Variants in IFNGR2 observed in about 807,000 individuals in gnomAD.
The protein encoded by IFNGR2 is interferon gamma receptor 2.
In IFNGR2, 15 loss-of-function variants were observed where a neutral mutation model predicts 41.1. The ratio of observed to expected loss-of-function variants is 0.37; its 90% CI spans 0.24 to 0.56. IFNGR2 has a LOEUF of 0.56. Ranked by LOEUF, IFNGR2 falls within the 20% of genes least tolerant of loss-of-function variation. The pLI, the probability that IFNGR2 is intolerant of heterozygous loss-of-function variation, is 0.81. For missense variants in IFNGR2, 362 were observed against 415.7 expected (o/e 0.87, Z 1.12); for synonymous variants, 161 against 171.6 (o/e 0.94, Z 0.48).
In IFNGR2 at chr21:33,418,601, T is replaced by C. The variant is rs17879138; in HGVS notation, c.207-2879T>C. 9.5e-3 allele frequency among the ~76,000 whole-genome samples: 1,440 copies of C among 152,304 alleles called. 10 individuals carry two copies. The highest frequency in any genetic ancestry group is 0.014 in the Non-Finnish European group (971 of 68,028). ...GTGTTTCTCTACAATAAAGCATTGCTATGATTAAAAATGAAGATGCCTTTG... is the reference window on the plus strand; with the variant it reads ...GTGTTTCTCTACAATAAAGCATTGCCATGATTAAAAATGAAGATGCCTTTG... On this transcript the variant is annotated intron_variant, in intron 2 of 6. Transcript: ENST00000290219.
chr21:33,433,500 G>A (rs2083910969), intron 6 of IFNGR2, among the ~76,000 whole-genome samples: 1 of 150,614 alleles, frequency 6.6e-6, no homozygotes. Flanking sequence ...ATGCTGAGTA[G>A]AGTAGGGCAG....
chr21:33,430,939 C>T (rs2083880664), intron 4 of IFNGR2, among the ~76,000 whole-genome samples: 2 of 152,196 alleles, frequency 1.3e-5, no homozygotes, highest in Admixed American at 6.5e-5. Context: ...AAACCCTATA[C>T]TGCCATAATA....
chr21:33,426,683 G>C (rs1054781077), intron 3 of IFNGR2, among the ~76,000 whole-genome samples: 1 of 151,780 alleles, frequency 6.6e-6, no homozygotes, highest in African/African-American at 2.4e-5. Context: ...TCGCACAACT[G>C]CACTCTAGCC....
In IFNGR2 at chr21:33,426,894, G is replaced by T. The variant is rs1742796339; in HGVS notation, c.423G>T (p.Gly141=). The T allele has an allele frequency of 1.2e-6, 2 of 1,613,368 alleles. No individual in the cohort carries two copies. Among genetic ancestry groups the T allele is most frequent in the Non-Finnish European group, 1.7e-6 (2 of 1,179,794 alleles). The change falls in exon 4 of 7, where the codon GGG becomes GGT. Residue 141 remains glycine, a synonymous_variant. Transcript: ENST00000290219. The part of the protein sequence containing the change: ...WFQHYRNVTV[G]PPENIEVTPG... ...GTAATTCTTTTTCAGTGACTGTCGG[G>T]CCTCCAGAAAACATTGAGGTGACCC...
At chr21:33,422,062 A>T (rs1174534537) in intron 3 of IFNGR2, among the ~76,000 whole-genome samples, 1 of 152,240 alleles carries the variant, frequency 6.6e-6, no homozygotes, top group African/African-American at 2.4e-5. Flanking sequence ...CTTTACTGAA[A>T]AAGTTTGCCA....
intron 2 of IFNGR2, among the ~76,000 whole-genome samples, chr21:33,418,115 T>C (rs1354593712): frequency 2.6e-5 from 4 of 152,252 alleles, no homozygotes; most frequent in Admixed American, 1.3e-4. Context: ...TTTCGGCTCA[T>C]TGCAACCTGC....
intron 6 of IFNGR2, among the ~76,000 whole-genome samples, chr21:33,435,002 T>TGTTTCACTTATAATTCTGGG (rs2083930750): frequency 6.6e-6 from 1 of 152,218 alleles, no homozygotes; most frequent in Non-Finnish European, 1.5e-5. Context: ...CAGTGAATCA[T>TGTTTCACTTATAATTCTGGG]GTTTCACTTA....
Position 33,437,142 on chromosome 21 carries a change from TAAAGA to T in IFNGR2, c.*182_*186del, listed in dbSNP as rs2083964111. The stretch of plus-strand genomic sequence containing the variant: ...GGTGACAAGCTTTTTTTTTTTTTCT[TAAAGA>T]ATTTTCAAAATCAAATTCCAGAATG... On this transcript the variant is annotated 3_prime_UTR_variant, in exon 7 of 7. Transcript: ENST00000290219. 2 of 587,360 alleles carry T rather than the reference TAAAGA, an allele frequency of 3.4e-6. No homozygotes were observed. The highest frequency in any genetic ancestry group is 3.7e-5 in the African/African-American group (2 of 53,352). The allele number at this position is 587,360 out of a possible 1,614,324, so 36.4% of individuals were successfully genotyped here. A position where few individuals can be genotyped will look rare whatever the true frequency, so the allele number is the denominator to read the frequency against.
chr21:33,415,072 C>T (rs534742910), intron 2 of IFNGR2, 52 bp downstream of exon 2: 21 of 1,607,816 alleles, frequency 1.3e-5, no homozygotes, highest in East Asian at 2.2e-5. Context: ...GGGCATCGTG[C>T]GGAACCCTGG....
chr21:33,404,805 A>G (rs1171582552), intron 1 of IFNGR2, among the ~76,000 whole-genome samples: 1 of 152,162 alleles, frequency 6.6e-6, no homozygotes, highest in African/African-American at 2.4e-5. Flanking sequence ...CTCTGACACC[A>G]GCTGACCACG....
intron 2 of IFNGR2, among the ~76,000 whole-genome samples, chr21:33,417,978 T>G (rs1244645462): frequency 6.6e-6 from 1 of 152,166 alleles, no homozygotes; most frequent in Non-Finnish European, 1.5e-5. Context: ...AAAAAGCATT[T>G]TATAGATATT....
At chr21:33,410,506 T>C (rs1321714215) in intron 1 of IFNGR2, among the ~76,000 whole-genome samples, 1 of 150,440 alleles carries the variant, frequency 6.6e-6, no homozygotes, top group African/African-American at 2.5e-5. Flanking sequence ...CTCGCTCTTG[T>C]CGCCCAAGCT....
chr21:33,422,130 G>A (rs2083798595), intron 3 of IFNGR2, among the ~76,000 whole-genome samples: 1 of 152,206 alleles, frequency 6.6e-6, no homozygotes, highest in South Asian at 2.1e-4. Context: ...TTATTCTGGT[G>A]CAACTTCTTT....
intron 6 of IFNGR2, among the ~76,000 whole-genome samples, chr21:33,434,657 G>A (rs530885673): frequency 9.8e-5 from 15 of 152,312 alleles, no homozygotes; most frequent in Admixed American, 2.6e-4. Context: ...TAAGGTCCAA[G>A]TCTGCAGAAA....
At chr21:33,436,678 C>A (rs2083955242) in intron 6 of IFNGR2, 150 bp from the exon 7 acceptor site, 7 of 603,612 alleles carry the variant, frequency 1.2e-5, no homozygotes, top group Non-Finnish European at 1.7e-5. Context: ...GCTGAGATCA[C>A]ACCACTATAC....
At chr21:33,413,895 C>T (rs1432061138) in intron 1 of IFNGR2, among the ~76,000 whole-genome samples, 2 of 124,438 alleles carry the variant, frequency 1.6e-5, no homozygotes, top group Non-Finnish European at 3.1e-5. Flanking sequence ...TGCAATGGTG[C>T]GATCTCAGCT....
chr21:33,420,786 C>T (rs528184647), intron 2 of IFNGR2, among the ~76,000 whole-genome samples: 2 of 152,314 alleles, frequency 1.3e-5, no homozygotes, highest in South Asian at 4.1e-4. Context: ...AGGGATCACA[C>T]CTGTAATCCC....
chr21:33,433,497 G>A lies in IFNGR2; in HGVS notation c.879+626G>A, dbSNP rs149284369. Among the ~76,000 whole-genome samples, 36 of 150,728 alleles carry A rather than the reference G, an allele frequency of 2.4e-4. No individual in the cohort carries two copies. In the East Asian group the frequency reaches 6.6e-3, roughly 27 times the overall value. ...ATGGACCTTGAGGACATTATGCTGA[G>A]TAGAGTAGGGCAGTCACAAAAGGAT... is the stretch of plus-strand genomic sequence containing the variant. On this transcript the variant is annotated intron_variant, in intron 6 of 6. Transcript: ENST00000290219.
intron 1 of IFNGR2, among the ~76,000 whole-genome samples, chr21:33,407,867 C>CCAGCCT (rs2083689470): frequency 6.7e-6 from 1 of 148,876 alleles, no homozygotes; most frequent in Non-Finnish European, 1.5e-5. Context: ...CCAACCCCCG[C>CCAGCCT]CAGCCTCAGC....
Sources: gnomAD v4.1 joint callset for allele counts (sites outside exome capture counted in the v4.1 genomes callset) on GRCh38, gnomAD v4.1.1 for gene constraint, MANE v1.5 for transcripts, NCBI Gene and HGNC (gene_info 2026-07-23, HGNC 2026-07-21) for gene names.